The following P3H2 variants were observed in gnomAD, a reference collection of about 807,000 sequenced individuals.
P3H2 encodes leprecan-like 1.
A neutral mutation model predicts 87.0 loss-of-function variants in P3H2; 80 were observed. That is an observed-to-expected ratio of 0.92 (90% CI 0.77 to 1.11). P3H2 has a LOEUF of 1.11. Among genes scored for constraint, P3H2 ranks in the 50% least tolerant of loss-of-function variants. The pLI, the probability that P3H2 is intolerant of heterozygous loss-of-function variation, is 0.00. For synonymous variants in P3H2, 367 were observed against 359.3 expected, an observed-to-expected ratio of 1.02 and a Z score of -0.24; for missense variants, 1,001 against 923.9, an observed-to-expected ratio of 1.08 and a Z score of -1.08.
chr3:189,977,112 C>T (rs555632094), intron 8 of P3H2, among the ~76,000 whole-genome samples: 39 of 152,292 alleles, frequency 2.6e-4, no homozygotes, highest in South Asian at 2.3e-3. Flanking sequence ...AGAGACTTTA[C>T]GATGGGCTGC....
intron 1 of P3H2, among the ~76,000 whole-genome samples, chr3:190,017,495 A>G (rs1724804447): frequency 6.6e-6 from 1 of 152,148 alleles, no homozygotes; most frequent in South Asian, 2.1e-4. Flanking sequence ...AATATATTTG[A>G]CTCCTGACAA....
chr3:189,987,229 C>T (rs1041932263), intron 5 of P3H2, among the ~76,000 whole-genome samples: 4 of 152,134 alleles, frequency 2.6e-5, no homozygotes, highest in Admixed American at 1.3e-4. Context: ...AATCCCAGCA[C>T]TTTGGGAGGA....
intron 1 of P3H2, among the ~76,000 whole-genome samples, chr3:190,067,928 AT>A (rs1314893171): frequency 6.6e-6 from 1 of 152,168 alleles, no homozygotes; most frequent in Non-Finnish European, 1.5e-5. Flanking sequence ...TAAGAAAAAA[AT>A]GTACATAGTT....
intron 1 of P3H2, among the ~76,000 whole-genome samples, chr3:190,087,691 T>C (rs1214482747): frequency 1.3e-5 from 2 of 152,168 alleles, no homozygotes; most frequent in Non-Finnish European, 2.9e-5. Context: ...TAAAATTCCA[T>C]AATGATCCCA....
intron 1 of P3H2, among the ~76,000 whole-genome samples, chr3:190,026,693 T>TC (rs1725096074): frequency 6.6e-6 from 1 of 152,252 alleles, no homozygotes; most frequent in Non-Finnish European, 1.5e-5. Flanking sequence ...TTCTTTACTT[T>TC]CCTAATAAAC....
chr3:190,089,207 C>T (rs998680913), intron 1 of P3H2, among the ~76,000 whole-genome samples: 2 of 151,828 alleles, frequency 1.3e-5, no homozygotes, highest in East Asian at 1.9e-4. Flanking sequence ...CATCACACAC[C>T]GGGGCCTGTC....
rs1459607025 is a variant in P3H2, at chr3:190,012,179, A to G, written c.481-16737T>C. ...TTTATATAAGACAAGTGAAATTTCA[A>G]AAAGGTGTGTGCCTGTGTGTAGGTA... On this transcript the variant is annotated intron_variant, in intron 1 of 14. Coordinates refer to ENST00000319332, the MANE Select transcript of P3H2 (RefSeq NM_018192.4). 2.0e-5 allele frequency among the ~76,000 whole-genome samples: 3 copies of G among 146,832 alleles called. No homozygotes were observed. In the Admixed American group the frequency reaches 2.1e-4, roughly 10 times the overall value.
intron 1 of P3H2, among the ~76,000 whole-genome samples, chr3:189,997,110 C>T (rs1434181776): frequency 2.0e-5 from 3 of 152,190 alleles, no homozygotes; most frequent in African/African-American, 7.2e-5. Flanking sequence ...CAATCTCTGC[C>T]TCCAGGGTTC....
intron 1 of P3H2, among the ~76,000 whole-genome samples, chr3:189,999,375 T>C (rs1724143133): frequency 6.6e-6 from 1 of 152,226 alleles, no homozygotes; most frequent in Non-Finnish European, 1.5e-5. Context: ...TTTAGGAAAC[T>C]AGAATTTGCT....
intron 1 of P3H2, among the ~76,000 whole-genome samples, chr3:190,061,993 A>G (rs1031960764): frequency 1.3e-5 from 2 of 152,138 alleles, no homozygotes; most frequent in African/African-American, 4.8e-5. Context: ...AATACATGGT[A>G]GTTGGATTTT....
At chr3:190,039,200 AT>A (rs1323371450) in intron 1 of P3H2, among the ~76,000 whole-genome samples, 24 of 151,830 alleles carry the variant, frequency 1.6e-4, no homozygotes, top group African/African-American at 5.6e-4. Context: ...AAAAAAAAAA[AT>A]AAAAAAGAAT....
intron 1 of P3H2, among the ~76,000 whole-genome samples, chr3:190,111,518 T>C (rs1712069351): frequency 6.6e-6 from 1 of 151,916 alleles, no homozygotes; most frequent in Admixed American, 6.6e-5. Flanking sequence ...TGGTAAAGGG[T>C]GGGGAGAAAG....
chr3:189,995,249 C>A, intron 2 of P3H2, 41 bp downstream of exon 2: 1 of 1,606,964 alleles, frequency 6.2e-7, no homozygotes, highest in South Asian at 1.1e-5. Context: ...CTTAGGAGCA[C>A]TTAGCTCCCT....
Position 189,986,770 on chromosome 3 carries a change from T to A in P3H2, c.1188+18A>T. ...CACTGAATCATTATTTTAATAAACG[T>A]TTCCTCTTTCCTCTTACCGGTTCAG... is the stretch of plus-strand genomic sequence containing the variant. On this transcript the variant is annotated intron_variant, in intron 6 of 14. Coordinates refer to ENST00000319332, the MANE Select transcript of P3H2 (RefSeq NM_018192.4). 1 of 1,514,978 alleles carries A rather than the reference T, an allele frequency of 6.6e-7. No individual in the cohort carries two copies. The highest frequency in any genetic ancestry group is 9.2e-7 in the Non-Finnish European group (1 of 1,089,936). 93.8% of individuals were successfully genotyped at this position (1,514,978 alleles called of 1,614,324 possible). A position where few individuals can be genotyped will look rare whatever the true frequency, so the allele number is the denominator to read the frequency against.
chr3:189,978,800 C>G (rs1021244412), intron 8 of P3H2, among the ~76,000 whole-genome samples: 1 of 151,926 alleles, frequency 6.6e-6, no homozygotes, highest in Non-Finnish European at 1.5e-5. Context: ...GCACACCAGA[C>G]AGAGGAAAAC....
At chr3:190,007,965 C>CACACACAT in intron 1 of P3H2, among the ~76,000 whole-genome samples, 5 of 94,334 alleles carry the variant, frequency 5.3e-5, no homozygotes, top group African/African-American at 1.6e-4. Context: ...TGTTGACACA[C>CACACACAT]ATATATATAT....
At chr3:190,050,640 T>G (rs1208228945) in intron 1 of P3H2, among the ~76,000 whole-genome samples, 3 of 152,170 alleles carry the variant, frequency 2.0e-5, no homozygotes, top group Admixed American at 6.5e-5. Flanking sequence ...CATTTGTTTG[T>G]GTATATATGA....
chr3:190,014,124 C>T (rs567598342), intron 1 of P3H2, among the ~76,000 whole-genome samples: 2 of 152,106 alleles, frequency 1.3e-5, no homozygotes, highest in Non-Finnish European at 2.9e-5. Context: ...AAGAATGTAA[C>T]ATTTGTGCTG....
At position 189,994,016 on chromosome 3, in the gene P3H2, G is replaced by T. The variant is rs558089750; in HGVS notation, c.823+78C>A. 101 of 1,055,686 alleles carry T rather than the reference G, an allele frequency of 9.6e-5. No homozygotes were observed. The African/African-American group carries it at 1.4e-3, about 14-fold the overall frequency. 65.4% of individuals were successfully genotyped at this position (1,055,686 alleles called of 1,614,324 possible). On this transcript the variant is annotated intron_variant, in intron 3 of 14. Transcript: ENST00000319332. ...TTTTTACAGTATATTCTTCTATTTT[G>T]CTGGAATAGTTTTTTACAAATTGCA...
Sources: gnomAD v4.1 joint callset for allele counts (sites outside exome capture counted in the v4.1 genomes callset) on GRCh38, gnomAD v4.1.1 for gene constraint, MANE v1.5 for transcripts, NCBI Gene and HGNC (gene_info 2026-07-23, HGNC 2026-07-21) for gene names.